Variants in AFG2A observed in about 807,000 individuals in gnomAD.
The protein encoded by AFG2A is ATPase family gene 2 protein homolog A.
At chr4:122,995,877 G>A in the AFG2A span, among the ~76,000 whole-genome samples, 3 of 152,112 alleles carry the variant, frequency 2.0e-5, no homozygotes, top group African/African-American at 7.2e-5. Context: ...ATAATAATTC[G>A]CATAAAGACT....
the AFG2A span, among the ~76,000 whole-genome samples, chr4:123,078,344 G>A: frequency 1.3e-5 from 2 of 152,178 alleles, no homozygotes; most frequent in African/African-American, 4.8e-5. Context: ...CTTAATGAAC[G>A]TCAAGGAATA....
the AFG2A span, chr4:122,934,708 C>T: frequency 6.3e-7 from 1 of 1,589,808 alleles, no homozygotes; most frequent in Non-Finnish European, 8.5e-7. Context: ...TGAATTGCCC[C>T]TCAAACAGCC....
chr4:123,077,111 G>C, the AFG2A span, among the ~76,000 whole-genome samples: 3 of 147,450 alleles, frequency 2.0e-5, no homozygotes, highest in African/African-American at 5.1e-5. Flanking sequence ...GCAGTGGCGC[G>C]ATCTCAGCTC....
the AFG2A span, among the ~76,000 whole-genome samples, chr4:122,983,809 C>T: frequency 6.6e-6 from 1 of 152,194 alleles, no homozygotes; most frequent in Non-Finnish European, 1.5e-5. Context: ...TCACAGGACT[C>T]TGTACAGACA....
the AFG2A span, among the ~76,000 whole-genome samples, chr4:123,077,813 C>T: frequency 1.3e-5 from 2 of 152,154 alleles, no homozygotes; most frequent in African/African-American, 4.8e-5. Flanking sequence ...TTGTTCTTCA[C>T]CATTTTAAGT....
chr4:123,060,470 C>T, the AFG2A span, among the ~76,000 whole-genome samples: 1 of 152,232 alleles, frequency 6.6e-6, no homozygotes, highest in African/African-American at 2.4e-5. Flanking sequence ...GACTTCTGCA[C>T]AACCGCAGGC....
the AFG2A span, among the ~76,000 whole-genome samples, chr4:122,986,592 C>T: frequency 1.3e-5 from 2 of 148,924 alleles, no homozygotes; most frequent in Non-Finnish European, 3.0e-5. Flanking sequence ...AGGGACTTGG[C>T]GGGAAGAATG....
chr4:123,121,809 G>A, the AFG2A span, among the ~76,000 whole-genome samples: 5,568 of 152,130 alleles, frequency 0.037, 339 homozygotes, highest in African/African-American at 0.13. Flanking sequence ...AACTTTCTTG[G>A]CCAAATGTAC....
At chr4:123,169,094 A>T in the AFG2A span, among the ~76,000 whole-genome samples, 16 of 152,156 alleles carry the variant, frequency 1.1e-4, no homozygotes, top group South Asian at 3.1e-3. Context: ...TTCAATGCAG[A>T]TGGGGGGAAG....
At chr4:123,116,471 C>T in the AFG2A span, among the ~76,000 whole-genome samples, 3,238 of 152,270 alleles carry the variant, frequency 0.021, 64 homozygotes, top group Non-Finnish European at 0.035. Context: ...ATACTGGCAT[C>T]CAGTGGGTAG....
chr4:123,056,540 G>A, the AFG2A span: 2 of 903,246 alleles, frequency 2.2e-6, no homozygotes, highest in Admixed American at 3.3e-5. Context: ...TGGCATTTCC[G>A]AAGTCAGATC....
At chr4:123,073,650 G>T in the AFG2A span, among the ~76,000 whole-genome samples, 1 of 152,098 alleles carries the variant, frequency 6.6e-6, no homozygotes, top group African/African-American at 2.4e-5. Context: ...AAAGAAAACT[G>T]ACTCTTTCTC....
At chr4:123,038,780 A>G in the AFG2A span, among the ~76,000 whole-genome samples, 1 of 152,144 alleles carries the variant, frequency 6.6e-6, no homozygotes, top group Admixed American at 6.6e-5. Context: ...CCAGATTTTC[A>G]AGTTAGAGTT....
chr4:122,923,084 G>T, the AFG2A span: 4 of 1,605,920 alleles, frequency 2.5e-6, no homozygotes, highest in Non-Finnish European at 3.4e-6. Context: ...TTTTCTCTCA[G>T]TTGAAGCGCG....
chr4:122,968,937 G>GT, the AFG2A span, among the ~76,000 whole-genome samples: 1 of 151,876 alleles, frequency 6.6e-6, no homozygotes, highest in African/African-American at 2.4e-5. Flanking sequence ...TGCCTGTCAA[G>GT]TATCTATTCA....
the AFG2A span, among the ~76,000 whole-genome samples, chr4:122,963,734 A>G: frequency 1.3e-5 from 2 of 152,170 alleles, no homozygotes; most frequent in Non-Finnish European, 2.9e-5. Context: ...CTGGATTGCA[A>G]TAAATTGAAG....
At chr4:123,060,858 CT>C in the AFG2A span, among the ~76,000 whole-genome samples, 1 of 152,134 alleles carries the variant, frequency 6.6e-6, no homozygotes, top group African/African-American at 2.4e-5. Context: ...AAATTCCAAA[CT>C]TTTATGCCTT....
chr4:122,936,419 C>CT, the AFG2A span, among the ~76,000 whole-genome samples: 1 of 152,178 alleles, frequency 6.6e-6, no homozygotes, highest in African/African-American at 2.4e-5. Flanking sequence ...AAATCCATGA[C>CT]TTTCTTTAGG....
chr4:123,133,282 C>T, the AFG2A span, among the ~76,000 whole-genome samples: 20 of 152,264 alleles, frequency 1.3e-4, no homozygotes, highest in South Asian at 4.1e-3. Flanking sequence ...TATTTTGAAA[C>T]AATGACAACA....
Sources: allele counts gnomAD v4.1 joint callset (sites outside exome capture counted in the v4.1 genomes callset), GRCh38; gene constraint gnomAD v4.1.1; transcripts MANE v1.5; gene names NCBI Gene and HGNC (gene_info 2026-07-23, HGNC 2026-07-21).